Variants in NTM observed in about 807,000 individuals in gnomAD.
The protein encoded by NTM is IgLON family member 2.
Under a neutral mutation model 42.1 loss-of-function variants are expected in NTM, and 13 were observed. That is an observed-to-expected ratio of 0.31 (90% CI 0.20 to 0.49). The LOEUF is 0.49. Ranked by LOEUF, NTM falls within the 20% of genes least tolerant of loss-of-function variation. The pLI, the probability that NTM is intolerant of heterozygous loss-of-function variation, is 0.99. For missense variants in NTM, 373 were observed against 452.8 expected (o/e 0.82, Z 1.60); for synonymous variants, 187 against 179.2 (o/e 1.04, Z -0.35).
At chr11:131,820,987 C>T (rs2093163321) in intron 1 of NTM, among the ~76,000 whole-genome samples, 1 of 151,412 alleles carries the variant, frequency 6.6e-6, no homozygotes, top group Non-Finnish European at 1.5e-5. Flanking sequence ...GATTGCTCAT[C>T]TTCAACTCTA....
intron 2 of NTM, among the ~76,000 whole-genome samples, chr11:132,048,819 T>TTTC (rs2078413084): frequency 5.4e-5 from 1 of 18,656 alleles, no homozygotes; most frequent in South Asian, 1.3e-3. Flanking sequence ...TTCTTTTTTC[T>TTTC]TTTTTTTTTT....
chr11:131,802,456 C>T (rs2092198829), intron 1 of NTM, among the ~76,000 whole-genome samples: 1 of 152,246 alleles, frequency 6.6e-6, no homozygotes. Context: ...GCTTGGGCTG[C>T]CTTCAGGTAG....
rs1245284093 is a variant in NTM, at chr11:132,214,026, G to A, written c.526+1879G>A. Among the ~76,000 whole-genome samples, 6 of 61,404 alleles carry A rather than the reference G, an allele frequency of 9.8e-5. 3 individuals are homozygous for A. The highest frequency in any genetic ancestry group is 2.7e-4 in the Non-Finnish European group (6 of 22,556). 40.3% of individuals were successfully genotyped at this position (61,404 alleles called of 152,430 possible). On this transcript the variant is annotated intron_variant, in intron 4 of 8. Coordinates refer to ENST00000683400, the MANE Select transcript of NTM (RefSeq NM_001352005.2). ...TGGGATTACAGGCGTGAGCCACCGC[G>A]CCCGGCGGGCCACCATTCTTGACAC...
At chr11:131,466,581 T>A (rs1483959302) in intron 1 of NTM, among the ~76,000 whole-genome samples, 1 of 152,156 alleles carries the variant, frequency 6.6e-6, no homozygotes, top group Non-Finnish European at 1.5e-5. Flanking sequence ...GAAATGAGAA[T>A]CATTCTGCTA....
chr11:132,072,968 T>C (rs542323982), intron 2 of NTM, among the ~76,000 whole-genome samples: 7 of 152,282 alleles, frequency 4.6e-5, no homozygotes, highest in African/African-American at 1.7e-4. Context: ...GCCAGATGCG[T>C]GCAGATCCAA....
chr11:131,524,795 C>T (rs760553422), intron 1 of NTM, among the ~76,000 whole-genome samples: 29 of 152,194 alleles, frequency 1.9e-4, no homozygotes, highest in Admixed American at 2.0e-4. Context: ...CAGACTATGA[C>T]ACTGATCAGT....
At chr11:131,948,086 G>T (rs1234952049) in intron 2 of NTM, among the ~76,000 whole-genome samples, 1 of 152,150 alleles carries the variant, frequency 6.6e-6, no homozygotes, top group African/African-American at 2.4e-5. Context: ...AATTGGCCGG[G>T]TGCAGTGGCT....
intron 3 of NTM, among the ~76,000 whole-genome samples, chr11:132,147,339 C>T (rs1007632675): frequency 1.3e-5 from 2 of 152,012 alleles, no homozygotes; most frequent in Admixed American, 6.5e-5. Context: ...ACACTTAACC[C>T]GGTTGAAGGA....
chr11:131,811,548 G>A (rs775501748), intron 1 of NTM, among the ~76,000 whole-genome samples: 2 of 152,160 alleles, frequency 1.3e-5, no homozygotes, highest in South Asian at 2.1e-4. Context: ...TTTAATCACC[G>A]CATGCAGGGA....
At chr11:131,371,719 A>G (rs1263541382) in intron 1 of NTM, among the ~76,000 whole-genome samples, 1 of 152,092 alleles carries the variant, frequency 6.6e-6, no homozygotes, top group Non-Finnish European at 1.5e-5. Flanking sequence ...CCCACACCCC[A>G]TCCCGGCTCT....
chr11:132,041,226 A>G (rs1453943107), intron 2 of NTM, among the ~76,000 whole-genome samples: 1 of 98,258 alleles, frequency 1.0e-5, no homozygotes, highest in African/African-American at 3.8e-5. Flanking sequence ...AGAGAGAGAG[A>G]TAGATAGAGA....
chr11:132,295,345 A>G (rs1297229664), intron 4 of NTM, among the ~76,000 whole-genome samples: 2 of 152,150 alleles, frequency 1.3e-5, no homozygotes, highest in African/African-American at 4.8e-5. Flanking sequence ...ACCTTTGCCC[A>G]CATGATCATG....
chr11:131,818,044 C>T (rs2093023885), intron 1 of NTM, among the ~76,000 whole-genome samples: 1 of 152,192 alleles, frequency 6.6e-6, no homozygotes, highest in African/African-American at 2.4e-5. Flanking sequence ...TGACAGTACA[C>T]ACTTGACACA....
intron 1 of NTM, among the ~76,000 whole-genome samples, chr11:131,763,431 T>C (rs927582485): frequency 1.3e-5 from 2 of 152,192 alleles, no homozygotes; most frequent in African/African-American, 2.4e-5. Context: ...AGTAGTTATA[T>C]AACACTTAGC....
chr11:131,650,930 A>G (rs1293803399), intron 1 of NTM, among the ~76,000 whole-genome samples: 2 of 152,194 alleles, frequency 1.3e-5, no homozygotes, highest in South Asian at 4.1e-4. Context: ...GATACTATTA[A>G]TCTTCAATAA....
intron 1 of NTM, among the ~76,000 whole-genome samples, chr11:131,550,714 T>C (rs924971125): frequency 3.3e-5 from 5 of 152,042 alleles, no homozygotes; most frequent in African/African-American, 1.2e-4. Context: ...AACAGACTAA[T>C]ACACCTAGCT....
chr11:131,487,224 G>A (rs556245006), intron 1 of NTM, among the ~76,000 whole-genome samples: 11 of 152,144 alleles, frequency 7.2e-5, no homozygotes, highest in Admixed American at 3.9e-4. Flanking sequence ...TTAAACTCTT[G>A]TTATAGCCTC....
intron 1 of NTM, among the ~76,000 whole-genome samples, chr11:131,532,231 C>T (rs904760000): frequency 1.3e-5 from 2 of 152,186 alleles, no homozygotes; most frequent in Non-Finnish European, 2.9e-5. Context: ...AAGAACTCCC[C>T]ATTCTCCACC....
At chr11:131,789,904 C>T (rs948248756) in intron 1 of NTM, among the ~76,000 whole-genome samples, 20 of 133,858 alleles carry the variant, frequency 1.5e-4, no homozygotes, top group East Asian at 4.7e-4. Context: ...TGCAGTGAGC[C>T]GAGATCGCGC....
Sources: allele counts gnomAD v4.1 joint callset (sites outside exome capture counted in the v4.1 genomes callset), GRCh38; gene constraint gnomAD v4.1.1; transcripts MANE v1.5; gene names NCBI Gene and HGNC (gene_info 2026-07-23, HGNC 2026-07-21).